The following NTRK2 variants were observed in gnomAD, a reference collection of about 807,000 sequenced individuals.
NTRK2 encodes the protein neurotrophic receptor tyrosine kinase 2, also known as BDNF/NT-3 growth factors receptor.
Under a neutral mutation model 94.5 loss-of-function variants are expected in NTRK2, and 13 were observed. The ratio of observed to expected loss-of-function variants is 0.14; its 90% CI spans 0.09 to 0.22. The LOEUF is 0.22. NTRK2 is among the 10% of genes least tolerant of loss of function. The pLI, the probability that NTRK2 is intolerant of heterozygous loss-of-function variation, is 1.00. For missense variants in NTRK2, 639 were observed against 1,071.2 expected (o/e 0.60, Z 5.63); for synonymous variants, 372 against 407.4 (o/e 0.91, Z 1.05).
At chr9:85,000,024 TAA>T (rs1830161789) in intron 17 of NTRK2, among the ~76,000 whole-genome samples, 2 of 152,214 alleles carry the variant, frequency 1.3e-5, no homozygotes, top group Admixed American at 6.5e-5. Flanking sequence ...TCTTGCATTC[TAA>T]GAGAGGAACC....
intron 12 of NTRK2, among the ~76,000 whole-genome samples, chr9:84,809,655 G>A (rs2071527499): frequency 6.6e-6 from 1 of 151,472 alleles, no homozygotes; most frequent in Non-Finnish European, 1.5e-5. Context: ...GCCGAGGTGG[G>A]TAGATTGCTT....
At chr9:84,813,772 G>A (rs201234540) in intron 12 of NTRK2, 69 of 1,065,744 alleles carry the variant, frequency 6.5e-5, no homozygotes, top group Non-Finnish European at 7.7e-5. Context: ...TTTCAACAGC[G>A]CTCATGTCTC....
intron 14 of NTRK2, among the ~76,000 whole-genome samples, chr9:84,907,585 T>TG (rs1238175141): frequency 6.6e-6 from 1 of 151,928 alleles, no homozygotes; most frequent in Non-Finnish European, 1.5e-5. Flanking sequence ...CTGTTCAGGG[T>TG]GGGGGGATAA....
rs78354965 is a variant in NTRK2 at position 84,726,566 on chromosome 9, C to T, written c.854-1088C>T. On this transcript the variant is annotated intron_variant, in intron 8 of 18. Coordinates refer to ENST00000277120, the MANE Select transcript of NTRK2 (RefSeq NM_006180.6). ...CCCCACTCAGAGGGTTTGTCTGTTC[C>T]CTGGCTACAATACCTTAGATTTTTT... Among the ~76,000 whole-genome samples, 669 of 152,222 alleles carry T rather than the reference C, an allele frequency of 4.4e-3. 35 individuals carry two copies. The East Asian group carries it at 0.12, about 26-fold the overall frequency.
At chr9:84,918,970 C>T (rs991373725) in intron 14 of NTRK2, among the ~76,000 whole-genome samples, 4 of 152,142 alleles carry the variant, frequency 2.6e-5, no homozygotes, top group African/African-American at 7.2e-5. Flanking sequence ...CCTGCAATAG[C>T]TCCCATCTGC....
chr9:84,838,138 C>T (rs970809455), intron 12 of NTRK2, among the ~76,000 whole-genome samples: 1 of 152,060 alleles, frequency 6.6e-6, no homozygotes, highest in Non-Finnish European at 1.5e-5. Flanking sequence ...GTGGCTTTCC[C>T]ATATGTTAGC....
intron 14 of NTRK2, among the ~76,000 whole-genome samples, chr9:84,928,058 C>G (rs1391131971): frequency 1.3e-5 from 2 of 152,144 alleles, no homozygotes; most frequent in African/African-American, 4.8e-5. Context: ...TTGTTACGTG[C>G]TCTATTTCAT....
intron 14 of NTRK2, among the ~76,000 whole-genome samples, chr9:84,926,330 T>C (rs1008286474): frequency 1.6e-4 from 24 of 151,756 alleles, no homozygotes; most frequent in African/African-American, 5.6e-4. Flanking sequence ...CCTCCCGGGT[T>C]CAAGCGATTC....
chr9:84,698,452 G>T (rs932207347), intron 2 of NTRK2, among the ~76,000 whole-genome samples: 2 of 151,990 alleles, frequency 1.3e-5, no homozygotes, highest in African/African-American at 4.8e-5. Flanking sequence ...CACTCGGGTT[G>T]TTCCAGCTTT....
At chr9:84,862,511 G>A (rs950485056) in intron 13 of NTRK2, among the ~76,000 whole-genome samples, 1 of 152,182 alleles carries the variant, frequency 6.6e-6, no homozygotes, top group African/African-American at 2.4e-5. Context: ...CAAAAATGTG[G>A]TTTTACTGTT....
chr9:84,774,672 C>T (rs944815864), intron 12 of NTRK2, among the ~76,000 whole-genome samples: 3 of 152,180 alleles, frequency 2.0e-5, no homozygotes, highest in African/African-American at 7.2e-5. Context: ...CTTTCCATAG[C>T]CCGTCTTGGA....
intron 14 of NTRK2, among the ~76,000 whole-genome samples, chr9:84,918,879 T>C (rs1019996695): frequency 6.6e-6 from 1 of 152,230 alleles, no homozygotes; most frequent in African/African-American, 2.4e-5. Flanking sequence ...TCTCTGCTTC[T>C]GGGCACTTTC....
At chr9:84,748,097 G>A (rs1362643295) in intron 11 of NTRK2, among the ~76,000 whole-genome samples, 1 of 152,174 alleles carries the variant, frequency 6.6e-6, no homozygotes, top group East Asian at 1.9e-4. Flanking sequence ...GATTTGCAGG[G>A]GAGGGCAGAT....
At chr9:84,780,729 A>G (rs2067482595) in intron 12 of NTRK2, among the ~76,000 whole-genome samples, 1 of 152,210 alleles carries the variant, frequency 6.6e-6, no homozygotes, top group African/African-American at 2.4e-5. Flanking sequence ...GGGGTAGCGA[A>G]TGGTGCTAGA....
At chr9:84,754,370 TAA>T (rs1251945520) in intron 12 of NTRK2, among the ~76,000 whole-genome samples, 1 of 152,070 alleles carries the variant, frequency 6.6e-6, no homozygotes. Flanking sequence ...ATGATGTGAA[TAA>T]AAAGAGCCTG....
rs1158755669 is a variant in NTRK2 at position 84,837,021 on chromosome 9, G to A, written c.1397-24019G>A. Among the ~76,000 whole-genome samples, 10 of 148,852 alleles carry A rather than the reference G, an allele frequency of 6.7e-5. No individual in the cohort carries two copies. In the Admixed American group the frequency reaches 6.7e-4, roughly 10 times the overall value. On this transcript the variant is annotated intron_variant, in intron 12 of 18. Transcript: ENST00000277120. The stretch of plus-strand genomic sequence containing the variant: ...TATACTATAACAGAAATTCAATGAG[G>A]GCATTATTTCCCAAATACCCAGAAC...
chr9:84,898,673 G>A (rs1400735868), intron 14 of NTRK2, among the ~76,000 whole-genome samples: 1 of 151,528 alleles, frequency 6.6e-6, no homozygotes, highest in Non-Finnish European at 1.5e-5. Flanking sequence ...AGACCCTTCT[G>A]AGCCCCCATT....
chr9:84,942,501 T>C (rs1296922376), intron 15 of NTRK2, among the ~76,000 whole-genome samples: 1 of 152,212 alleles, frequency 6.6e-6, no homozygotes, highest in Non-Finnish European at 1.5e-5. Flanking sequence ...AGAAAGAGGT[T>C]GGCTCACTAA....
chr9:84,814,970 G>T (rs1426017504), intron 12 of NTRK2: 2 of 1,059,760 alleles, frequency 1.9e-6, no homozygotes, highest in East Asian at 5.2e-5. Flanking sequence ...TTCATCTAAA[G>T]ACATAGGGGA....
Sources: allele counts gnomAD v4.1 joint callset (sites outside exome capture counted in the v4.1 genomes callset), GRCh38; gene constraint gnomAD v4.1.1; transcripts MANE v1.5; gene names NCBI Gene and HGNC (gene_info 2026-07-23, HGNC 2026-07-21).